Variants in GALNT13 observed in about 807,000 individuals in gnomAD.
The protein encoded by GALNT13 is UDP-GalNAc:polypeptide N-acetylgalactosaminyltransferase 13.
GALNT13 carries 28 observed loss-of-function variants against 64.2 expected under a neutral mutation model. The ratio of observed to expected loss-of-function variants is 0.44; its 90% CI spans 0.32 to 0.60. GALNT13 has a LOEUF of 0.60. GALNT13 is among the 20% of genes least tolerant of loss of function. The probability of loss-of-function intolerance (pLI) is 0.05; values close to 1 mark genes in which losing one functional copy is unlikely to be tolerated. For missense variants in GALNT13, 577 were observed against 669.8 expected, an observed-to-expected ratio of 0.86 and a Z score of 1.53; for synonymous variants, 214 against 224.6, an observed-to-expected ratio of 0.95 and a Z score of 0.42.
chr2:153,931,772 A>T (rs535424192), intron 2 of GALNT13, among the ~76,000 whole-genome samples: 1 of 151,912 alleles, frequency 6.6e-6, no homozygotes, highest in Non-Finnish European at 1.5e-5. Context: ...TTTTACCTCT[A>T]TGAGGATTTT....
chr2:153,275,598 G>A, the GALNT13 span, among the ~76,000 whole-genome samples: 1 of 148,840 alleles, frequency 6.7e-6, no homozygotes, highest in Non-Finnish European at 1.5e-5. Flanking sequence ...TGTTATAGCA[G>A]CATAAAATGG....
intron 1 of GALNT13, among the ~76,000 whole-genome samples, chr2:153,885,580 T>A (rs2105252909): frequency 6.6e-6 from 1 of 152,174 alleles, no homozygotes; most frequent in South Asian, 2.1e-4. Flanking sequence ...TGAAACAACA[T>A]TTTATAGTGG....
At chr2:153,586,989 T>C in the GALNT13 span, among the ~76,000 whole-genome samples, 1 of 152,054 alleles carries the variant, frequency 6.6e-6, no homozygotes, top group African/African-American at 2.4e-5. Flanking sequence ...ATTAACAATT[T>C]GGGAGTCTGA....
At chr2:153,631,240 T>C in the GALNT13 span, among the ~76,000 whole-genome samples, 5 of 152,122 alleles carry the variant, frequency 3.3e-5, no homozygotes, top group African/African-American at 1.2e-4. Flanking sequence ...TTCCAAGTCT[T>C]TGCTATTGTG....
chr2:154,291,557 C>G (rs111631830), intron 8 of GALNT13, among the ~76,000 whole-genome samples: 1 of 152,214 alleles, frequency 6.6e-6, no homozygotes, highest in Non-Finnish European at 1.5e-5. Context: ...GCTTGTCCCC[C>G]AGTCAAGCCC....
the GALNT13 span, among the ~76,000 whole-genome samples, chr2:153,529,142 T>G: frequency 6.6e-6 from 1 of 151,908 alleles, no homozygotes; most frequent in Non-Finnish European, 1.5e-5. Flanking sequence ...AAGTTGTTAT[T>G]TTAAAGTTAA....
Position 154,450,569 on chromosome 2 carries a change from C to G in GALNT13, c.*18C>G. 1 of 1,567,610 alleles carries G rather than the reference C, an allele frequency of 6.4e-7. No homozygotes were observed. Among genetic ancestry groups the G allele is most frequent in the African/African-American group, 1.4e-5 (1 of 72,916 alleles). On this transcript the variant is annotated 3_prime_UTR_variant, in exon 13 of 13. Coordinates refer to ENST00000392825, the MANE Select transcript of GALNT13 (RefSeq NM_052917.4). ...GCACATGAAGATCATGTCCTCCAAG[C>G]CATGAAAGTGTCTACGCTTTTGTTT...
chr2:153,547,770 T>A, the GALNT13 span, among the ~76,000 whole-genome samples: 70 of 152,162 alleles, frequency 4.6e-4, no homozygotes, highest in African/African-American at 1.7e-3. Context: ...CTGGGCAAGA[T>A]AAGATAGTGT....
At chr2:153,426,724 C>A in the GALNT13 span, among the ~76,000 whole-genome samples, 1 of 151,838 alleles carries the variant, frequency 6.6e-6, no homozygotes, top group African/African-American at 2.4e-5. Flanking sequence ...TGAGGTAAGC[C>A]TGTTTCATCT....
intron 7 of GALNT13, among the ~76,000 whole-genome samples, chr2:154,250,703 G>C (rs1349916022): frequency 1.3e-5 from 2 of 151,802 alleles, no homozygotes; most frequent in Non-Finnish European, 2.9e-5. Flanking sequence ...ATAAGACAAA[G>C]TTTCTTATAT....
At chr2:154,085,997 A>G (rs1379634514) in intron 3 of GALNT13, among the ~76,000 whole-genome samples, 2 of 151,828 alleles carry the variant, frequency 1.3e-5, no homozygotes, top group African/African-American at 4.8e-5. Flanking sequence ...TACACTGGAA[A>G]GCTGTTATAC....
the GALNT13 span, among the ~76,000 whole-genome samples, chr2:153,806,661 G>A: frequency 6.9e-6 from 1 of 145,208 alleles, no homozygotes; most frequent in African/African-American, 2.5e-5. Flanking sequence ...TAAAGAGCCT[G>A]GATTTACCTG....
the GALNT13 span, among the ~76,000 whole-genome samples, chr2:153,213,085 C>G: frequency 6.6e-6 from 1 of 152,182 alleles, no homozygotes; most frequent in Non-Finnish European, 1.5e-5. Context: ...TGGTCAAGAA[C>G]TGTGAAGGTC....
chr2:154,069,696 TG>T (rs1213522547), intron 3 of GALNT13, among the ~76,000 whole-genome samples: 3 of 152,036 alleles, frequency 2.0e-5, no homozygotes, highest in African/African-American at 2.4e-5. Context: ...TAAATGACTA[TG>T]GGATTTGCAC....
chr2:153,114,144 A>G, the GALNT13 span, among the ~76,000 whole-genome samples: 71 of 152,196 alleles, frequency 4.7e-4, 1 homozygote, highest in East Asian at 6.2e-3. Context: ...ACATTGCCCA[A>G]TCCAAACTTG....
chr2:153,526,309 G>A, the GALNT13 span, among the ~76,000 whole-genome samples: 7 of 152,216 alleles, frequency 4.6e-5, no homozygotes, highest in South Asian at 6.2e-4. Context: ...GGCCACAGGC[G>A]TGCTAGTATT....
intron 4 of GALNT13, among the ~76,000 whole-genome samples, chr2:154,175,558 C>G (rs1189197640): frequency 3.9e-5 from 6 of 152,058 alleles, no homozygotes; most frequent in Non-Finnish European, 7.4e-5. Flanking sequence ...GGATATTTTA[C>G]CAAGCTGTTT....
At chr2:154,407,282 T>C (rs1699589766) in intron 10 of GALNT13, among the ~76,000 whole-genome samples, 1 of 152,112 alleles carries the variant, frequency 6.6e-6, no homozygotes, top group African/African-American at 2.4e-5. Context: ...TATAATGGCA[T>C]TATACTGTCC....
At chr2:153,972,645 A>C (rs1484328350) in intron 3 of GALNT13, among the ~76,000 whole-genome samples, 1 of 152,016 alleles carries the variant, frequency 6.6e-6, no homozygotes, top group African/African-American at 2.4e-5. Flanking sequence ...ATGTAACTCT[A>C]TATTAGGTAC....
Sources: allele counts gnomAD v4.1 joint callset (sites outside exome capture counted in the v4.1 genomes callset), GRCh38; gene constraint gnomAD v4.1.1; transcripts MANE v1.5; gene names NCBI Gene and HGNC (gene_info 2026-07-23, HGNC 2026-07-21).